The following RFTN1 variants were observed in gnomAD, a reference collection of about 807,000 sequenced individuals.
The protein encoded by RFTN1 is raftlin.
In RFTN1, 26 loss-of-function variants were observed where a neutral mutation model predicts 46.5. That is an observed-to-expected ratio of 0.56 (90% CI 0.41 to 0.78). The LOEUF is 0.78. Ranked by LOEUF, RFTN1 falls within the 30% of genes least tolerant of loss-of-function variation. RFTN1 has a pLI of 0.00. For missense variants in RFTN1, 693 were observed against 718.7 expected, an observed-to-expected ratio of 0.96 and a Z score of 0.41; for synonymous variants, 261 against 284.2, an observed-to-expected ratio of 0.92 and a Z score of 0.82.
At position 16,504,958 on chromosome 3, in the gene RFTN1, C is replaced by T. The variant is rs894294217; in HGVS notation, c.-9+8484G>A. ...CTCCCAACATCCAGGCCCAAAACCC[C>T]AGTATCAGCCTGCTCCCGCCACCAT... On this transcript the variant is annotated intron_variant, in intron 1 of 9. Coordinates refer to ENST00000334133, the MANE Select transcript of RFTN1 (RefSeq NM_015150.2). This position sits in a 1 kb window ranked among gnomAD's most constrained non-coding sequence, Gnocchi z 4.4. Among the ~76,000 whole-genome samples, 1 of 152,190 alleles carries T rather than the reference C, an allele frequency of 6.6e-6. No individual in the cohort carries two copies. Among genetic ancestry groups the T allele is most frequent in the Non-Finnish European group, 1.5e-5 (1 of 68,036 alleles).
intron 6 of RFTN1, among the ~76,000 whole-genome samples, chr3:16,365,659 T>C (rs1183660324): frequency 6.6e-6 from 1 of 151,678 alleles, no homozygotes; most frequent in African/African-American, 2.4e-5. Context: ...CTGGGTGTCA[T>C]GTGACCCCTA....
At position 16,512,473 on chromosome 3, in the gene RFTN1, C is replaced by A. The variant is rs1490878382; in HGVS notation, c.-9+969G>T. ...TGTTTTAAGCCCCCGAAGAAACTCACTGACACCACCCAGCGTCCCTAGGGA... is the reference window on the plus strand; with the variant it reads ...TGTTTTAAGCCCCCGAAGAAACTCAATGACACCACCCAGCGTCCCTAGGGA... On this transcript the variant is annotated intron_variant, in intron 1 of 9. Transcript: ENST00000334133. The surrounding 1 kb of genome is among the most constrained non-coding windows in gnomAD (Gnocchi z 4.3). Among the ~76,000 whole-genome samples the A allele has an allele frequency of 6.6e-6, 1 of 151,816 alleles. No homozygotes were observed. The highest frequency in any genetic ancestry group is 2.4e-5 in the African/African-American group (1 of 41,238).
Position 16,483,931 on chromosome 3 carries a change from G to A in RFTN1, c.145+9794C>T, listed in dbSNP as rs1653932371. 6.6e-6 allele frequency among the ~76,000 whole-genome samples: 1 copy of A among 152,158 alleles called. No homozygotes were observed. On this transcript the variant is annotated intron_variant, in intron 2 of 9. Coordinates refer to ENST00000334133, the MANE Select transcript of RFTN1 (RefSeq NM_015150.2). The surrounding 1 kb of genome is among the most constrained non-coding windows in gnomAD (Gnocchi z 4.8). ...GATGGGGCCCAGGACTCTGCATTTT[G>A]ACAAGCCCTCCAGGCTATTCTGATT...
At position 16,509,739 on chromosome 3, in the gene RFTN1, C is replaced by T. The variant is rs1256855244; in HGVS notation, c.-9+3703G>A. ...CTGACATCTTGACACCCACTGTCAA[C>T]CTCCAGAGAGGCGATCACCCAGATG... On this transcript the variant is annotated intron_variant, in intron 1 of 9. Coordinates refer to ENST00000334133, the MANE Select transcript of RFTN1 (RefSeq NM_015150.2). This position sits in a 1 kb window ranked among gnomAD's most constrained non-coding sequence, Gnocchi z 4.9. 1.3e-5 allele frequency among the ~76,000 whole-genome samples: 2 copies of T among 152,172 alleles called. No homozygotes were observed. The highest frequency in any genetic ancestry group is 6.5e-5 in the Admixed American group (1 of 15,286).
At chr3:16,423,081 T>C (rs764712082) in intron 3 of RFTN1, among the ~76,000 whole-genome samples, 23 of 151,464 alleles carry the variant, frequency 1.5e-4, no homozygotes, top group Non-Finnish European at 2.6e-4. Context: ...GGCAGGAGAA[T>C]GGCGAGAACC....
chr3:16,493,513 G>A (rs552988952), intron 2 of RFTN1, among the ~76,000 whole-genome samples: 11 of 152,270 alleles, frequency 7.2e-5, no homozygotes, highest in Admixed American at 6.5e-5. Context: ...GATTACAGGC[G>A]TGAACCACTG....
intron 1 of RFTN1, among the ~76,000 whole-genome samples, chr3:16,501,764 G>A (rs187000009): frequency 3.9e-5 from 6 of 152,330 alleles, no homozygotes; most frequent in Admixed American, 1.3e-4. Flanking sequence ...TCTAGATCCA[G>A]AAATATAAAT....
At chr3:16,497,218 G>A (rs1002057860) in intron 1 of RFTN1, among the ~76,000 whole-genome samples, 5 of 152,200 alleles carry the variant, frequency 3.3e-5, no homozygotes, top group Non-Finnish European at 2.9e-5. Context: ...ACACTAAAAC[G>A]TTCAAAAATA....
rs1464964836 is a variant in RFTN1 at position 16,498,497 on chromosome 3, T to A, written c.-8-4620A>T. 6.6e-6 allele frequency among the ~76,000 whole-genome samples: 1 copy of A among 152,234 alleles called. No homozygotes were observed. On this transcript the variant is annotated intron_variant, in intron 1 of 9. Coordinates refer to ENST00000334133, the MANE Select transcript of RFTN1 (RefSeq NM_015150.2). The surrounding 1 kb of genome is among the most constrained non-coding windows in gnomAD (Gnocchi z 5.2). The stretch of plus-strand genomic sequence containing the variant: ...TTAAATTTAATTTGTATCAAGTTTT[T>A]CTTTTAATAAATACCAGCCAGCAGC...
chr3:16,332,015 G>A (rs542592034), intron 7 of RFTN1, among the ~76,000 whole-genome samples: 62 of 152,282 alleles, frequency 4.1e-4, no homozygotes, highest in Middle Eastern at 3.4e-3. Context: ...GTAACCTGTT[G>A]TATTGCTTTG....
rs771725465 is a variant in RFTN1 at position 16,433,955 on chromosome 3, G to T, written c.228C>A (p.Gly76=). The change falls in exon 3 of 10, where the codon GGC becomes GGA. Residue 76 remains glycine (G), a synonymous_variant. Transcript: ENST00000334133. This position sits in a 1 kb window ranked among gnomAD's most constrained non-coding sequence, Gnocchi z 4.4. ...PAQLLELYQQ[G]FSLAALHPFV... ...AGGGGTGCAGGGCCGCCAGCGAGAA[G>T]CCCTGCTGGTACAGCTCCAGGAGCT... The T allele has an allele frequency of 6.2e-7, 1 of 1,614,000 alleles. No individual in the cohort carries two copies. Among genetic ancestry groups the T allele is most frequent in the Admixed American group, 1.7e-5 (1 of 60,000 alleles).
At chr3:16,369,679 G>A (rs2073411206) in intron 6 of RFTN1, among the ~76,000 whole-genome samples, 1 of 152,176 alleles carries the variant, frequency 6.6e-6, no homozygotes. Flanking sequence ...TAATTTCAAG[G>A]TGCTGCTACT....
chr3:16,382,657 T>C lies in RFTN1; in HGVS notation c.442-4555A>G, dbSNP rs1348359759. Among the ~76,000 whole-genome samples the C allele has an allele frequency of 6.6e-6, 1 of 152,212 alleles. No homozygotes were observed. Among genetic ancestry groups the C allele is most frequent in the Non-Finnish European group, 1.5e-5 (1 of 68,040 alleles). ...AGACGATCACAGCTGACGGGTCCACTGTTGATCTGGTCTCACCAGCTGGAA... is the reference window on the plus strand; with the variant it reads ...AGACGATCACAGCTGACGGGTCCACCGTTGATCTGGTCTCACCAGCTGGAA... On this transcript the variant is annotated intron_variant, in intron 4 of 9. Coordinates refer to ENST00000334133, the MANE Select transcript of RFTN1 (RefSeq NM_015150.2). This position sits in a 1 kb window ranked among gnomAD's most constrained non-coding sequence, Gnocchi z 4.7.
chr3:16,319,201 T>A (rs1361472362), intron 9 of RFTN1, among the ~76,000 whole-genome samples: 1 of 152,206 alleles, frequency 6.6e-6, no homozygotes, highest in African/African-American at 2.4e-5. Context: ...TACGTGTTTT[T>A]AGAAAAGGAC....
At chr3:16,393,528 T>G (rs1447258445) in intron 4 of RFTN1, among the ~76,000 whole-genome samples, 1 of 152,244 alleles carries the variant, frequency 6.6e-6, no homozygotes, top group Non-Finnish European at 1.5e-5. Flanking sequence ...GACATTTACA[T>G]ACGTTCAAGA....
At chr3:16,412,716 A>T (rs971332623) in intron 3 of RFTN1, among the ~76,000 whole-genome samples, 4 of 152,112 alleles carry the variant, frequency 2.6e-5, no homozygotes, top group Admixed American at 2.6e-4. Context: ...GATGGATGTC[A>T]CTCCTGTGAT....
chr3:16,478,969 T>A (rs1308311866), intron 2 of RFTN1, among the ~76,000 whole-genome samples: 1 of 152,186 alleles, frequency 6.6e-6, no homozygotes, highest in Non-Finnish European at 1.5e-5. Context: ...ACTTTTGCTG[T>A]ATCCTGTTCA....
At chr3:16,417,266 C>G (rs937582010) in intron 3 of RFTN1, among the ~76,000 whole-genome samples, 2 of 151,956 alleles carry the variant, frequency 1.3e-5, no homozygotes, top group African/African-American at 4.8e-5. Flanking sequence ...TCCTAAAGTG[C>G]TGAGAATACA....
Position 16,377,970 on chromosome 3 carries a change from T to G in RFTN1, c.574A>C (p.Asn192His). The change falls in exon 5 of 10, where the codon AAC (asparagine) becomes CAC (histidine). Residue 192 changes from asparagine (N) to histidine (H), a missense_variant. Physicochemically the swap from Asn to His is moderately conservative, Grantham distance 68 (BLOSUM62 1). Coordinates refer to ENST00000334133, the MANE Select transcript of RFTN1 (RefSeq NM_015150.2). ...AGTGACGCGTGATCCCCACGTGCGT[T>G]TTTTGCATCTCTGGCATCCTCGGTG... ...NSTEDARDAK[N>H]ARGDHASLEN... 6.2e-7 allele frequency: 1 copy of G among 1,614,236 alleles called. No homozygotes were observed. The highest frequency in any genetic ancestry group is 8.5e-7 in the Non-Finnish European group (1 of 1,180,044).
Sources: gnomAD v4.1 joint callset for allele counts (sites outside exome capture counted in the v4.1 genomes callset) on GRCh38, gnomAD v4.1.1 for gene constraint, Gnocchi (gnomAD v3.1) non-coding constraint, MANE v1.5 for transcripts, NCBI Gene and HGNC (gene_info 2026-07-23, HGNC 2026-07-21) for gene names.